The following SGCZ variants were observed in gnomAD, a reference collection of about 807,000 sequenced individuals.
SGCZ encodes the protein zeta-sarcoglycan.
SGCZ carries 40 observed loss-of-function variants against 41.3 expected under a neutral mutation model. The observed-to-expected ratio is 0.97, with a 90% CI of 0.75 to 1.26. The LOEUF is 1.26. Ranked by LOEUF, SGCZ falls within the 50% of genes most tolerant of loss-of-function variation. The pLI is 0.00. For synonymous variants in SGCZ, 206 were observed against 137.5 expected (o/e 1.50, Z -3.49); for missense variants, 552 against 369.8 (o/e 1.49, Z -4.04).
At chr8:15,128,016 T>C (rs182939054) in intron 1 of SGCZ, among the ~76,000 whole-genome samples, 1 of 152,054 alleles carries the variant, frequency 6.6e-6, no homozygotes, top group African/African-American at 2.4e-5. Context: ...ATAATAGAGG[T>C]TCATGATGTA....
chr8:14,973,379 T>C (rs1212793002), intron 1 of SGCZ, among the ~76,000 whole-genome samples: 1 of 152,156 alleles, frequency 6.6e-6, no homozygotes, highest in African/African-American at 2.4e-5. Context: ...CCTTGCTGGT[T>C]GGTAAAGCCA....
chr8:15,234,347 C>G (rs1414584536), intron 1 of SGCZ, among the ~76,000 whole-genome samples: 4 of 152,124 alleles, frequency 2.6e-5, no homozygotes, highest in East Asian at 1.9e-4. Context: ...AGCAGCAACC[C>G]ATATTTTGGA....
chr8:14,974,284 T>C (rs896348697), intron 1 of SGCZ, among the ~76,000 whole-genome samples: 4 of 152,218 alleles, frequency 2.6e-5, no homozygotes, highest in Non-Finnish European at 5.9e-5. Context: ...AAAATTCTAT[T>C]GTATATAGTA....
At chr8:15,152,634 A>G (rs1799212196) in intron 1 of SGCZ, among the ~76,000 whole-genome samples, 1 of 152,212 alleles carries the variant, frequency 6.6e-6, no homozygotes, top group Non-Finnish European at 1.5e-5. Flanking sequence ...AACAGAGAGA[A>G]TATAAATCAC....
chr8:14,419,057 A>G (rs189706113), intron 2 of SGCZ, among the ~76,000 whole-genome samples: 29 of 152,010 alleles, frequency 1.9e-4, no homozygotes, highest in African/African-American at 6.7e-4. Flanking sequence ...AATTTCAACC[A>G]CATGGCAACA....
chr8:14,895,372 G>A (rs1348537735), intron 1 of SGCZ, among the ~76,000 whole-genome samples: 2 of 152,068 alleles, frequency 1.3e-5, no homozygotes, highest in African/African-American at 2.4e-5. Context: ...AACCAGGACA[G>A]TACCTAAGAC....
rs953050762 is a variant in SGCZ, at chr8:15,162,623, C to T, written c.39+74962G>A. Among the ~76,000 whole-genome samples, 9 of 152,298 alleles carry T rather than the reference C, an allele frequency of 5.9e-5. No individual in the cohort carries two copies. In the East Asian group the frequency reaches 1.7e-3, roughly 29 times the overall value. ...TTGAAATAACAAATTCAGTCTAAAA[C>T]TGTGTTTCACTTTTCATAAGAGTTA... On this transcript the variant is annotated intron_variant, in intron 1 of 7. Transcript: ENST00000382080.
Position 14,085,276 on chromosome 8 carries a change from C to T in SGCZ, c.*5167G>A, listed in dbSNP as rs532661316. Reference sequence around the variant, plus strand: ...TCCATTTTTCATATATCTATATATACAAGAAAACATTTACATGAAAGTACA... The same window carrying T: ...TCCATTTTTCATATATCTATATATATAAGAAAACATTTACATGAAAGTACA... On this transcript the variant is annotated 3_prime_UTR_variant, in exon 8 of 8. Coordinates refer to ENST00000382080, the MANE Select transcript of SGCZ (RefSeq NM_139167.4). Among the ~76,000 whole-genome samples, 1 of 151,522 alleles carries T rather than the reference C, an allele frequency of 6.6e-6. No homozygotes were observed. Among genetic ancestry groups the T allele is most frequent in the African/African-American group, 2.4e-5 (1 of 41,388 alleles).
rs556564411 is a variant in SGCZ at position 14,511,386 on chromosome 8, G to T, written c.234+43346C>A. ...CAATAGGCCCACTGCACAGAGAGAT[G>T]ATTTAACAAAATCTGTATCTTCATT... On this transcript the variant is annotated intron_variant, in intron 2 of 7. Transcript: ENST00000382080. Among the ~76,000 whole-genome samples, 4 of 152,068 alleles carry T rather than the reference G, an allele frequency of 2.6e-5. No individual in the cohort carries two copies. In the East Asian group the frequency reaches 7.8e-4, roughly 30 times the overall value.
At chr8:14,885,321 G>A (rs780189715) in intron 1 of SGCZ, among the ~76,000 whole-genome samples, 13 of 152,220 alleles carry the variant, frequency 8.5e-5, no homozygotes, top group South Asian at 6.2e-4. Context: ...ATACAGATAC[G>A]GTTCTGGTTA....
At chr8:14,598,861 C>A (rs1428804292) in intron 1 of SGCZ, among the ~76,000 whole-genome samples, 1 of 152,118 alleles carries the variant, frequency 6.6e-6, no homozygotes, top group Non-Finnish European at 1.5e-5. Context: ...ACACTCCTAT[C>A]TTTCCATTGC....
intron 1 of SGCZ, among the ~76,000 whole-genome samples, chr8:15,194,610 A>G (rs990575811): frequency 1.3e-5 from 2 of 152,196 alleles, no homozygotes; most frequent in African/African-American, 4.8e-5. Context: ...GGTCAGAGTC[A>G]GAAAAAGGAA....
At chr8:14,498,574 T>C (rs1802059451) in intron 2 of SGCZ, among the ~76,000 whole-genome samples, 1 of 152,114 alleles carries the variant, frequency 6.6e-6, no homozygotes, top group Non-Finnish European at 1.5e-5. Context: ...TTTAATTCTT[T>C]TGCCTTTTCT....
At chr8:14,105,358 A>G (rs907906212) in intron 6 of SGCZ, among the ~76,000 whole-genome samples, 7 of 152,086 alleles carry the variant, frequency 4.6e-5, no homozygotes, top group Non-Finnish European at 1.0e-4. Flanking sequence ...TTTCTTTTCT[A>G]AAGTCTTTTT....
In SGCZ at chr8:14,614,660, T is replaced by C. The variant is rs956407005; in HGVS notation, c.40-59734A>G. ...GTTGGTACTACCAACAGTTCATAGTTGGAGTTAGAAAATTTTTTAAAAGAA... is the reference window on the plus strand; with the variant it reads ...GTTGGTACTACCAACAGTTCATAGTCGGAGTTAGAAAATTTTTTAAAAGAA... On this transcript the variant is annotated intron_variant, in intron 1 of 7. Coordinates refer to ENST00000382080, the MANE Select transcript of SGCZ (RefSeq NM_139167.4). Among the ~76,000 whole-genome samples, 33 of 152,078 alleles carry C rather than the reference T, an allele frequency of 2.2e-4. 1 individual carries two copies. Among genetic ancestry groups the C allele is most frequent in the Non-Finnish European group, 7.4e-5 (5 of 68,004 alleles).
At chr8:14,521,150 A>C (rs1326922264) in intron 2 of SGCZ, among the ~76,000 whole-genome samples, 1 of 152,124 alleles carries the variant, frequency 6.6e-6, no homozygotes, top group East Asian at 1.9e-4. Flanking sequence ...GAGGTAGAAT[A>C]TTTCCATCAC....
At chr8:14,539,330 T>C (rs1803388233) in intron 2 of SGCZ, among the ~76,000 whole-genome samples, 1 of 151,936 alleles carries the variant, frequency 6.6e-6, no homozygotes, top group South Asian at 2.1e-4. Context: ...TGCTTCTGTT[T>C]GTCTGGAGAA....
intron 1 of SGCZ, among the ~76,000 whole-genome samples, chr8:14,672,033 C>A (rs887823850): frequency 6.6e-6 from 1 of 152,094 alleles, no homozygotes; most frequent in Admixed American, 6.6e-5. Flanking sequence ...AATCACAAAT[C>A]TTAGCTACCG....
At chr8:14,108,598 C>A (rs1207388076) in intron 5 of SGCZ, among the ~76,000 whole-genome samples, 1 of 151,964 alleles carries the variant, frequency 6.6e-6, no homozygotes, top group African/African-American at 2.4e-5. Flanking sequence ...ATGGGGGAAA[C>A]CACCTCCATG....
Sources: gnomAD v4.1 joint callset for allele counts (sites outside exome capture counted in the v4.1 genomes callset) on GRCh38, gnomAD v4.1.1 for gene constraint, MANE v1.5 for transcripts, NCBI Gene and HGNC (gene_info 2026-07-23, HGNC 2026-07-21) for gene names.